TAFA2: variants seen among roughly 807,000 people sequenced by gnomAD.
TAFA2 encodes TAFA chemokine like family member 2, also known as chemokine-like protein TAFA-2.
Under a neutral mutation model 18.8 loss-of-function variants are expected in TAFA2, and 7 were observed. The observed-to-expected ratio is 0.37, with a 90% CI of 0.21 to 0.70. TAFA2 has a LOEUF of 0.70. TAFA2 is among the 30% of genes least tolerant of loss of function. The pLI is 0.53. For synonymous variants in TAFA2, 60 were observed against 54.2 expected (o/e 1.11, Z -0.47); for missense variants, 122 against 158.1 (o/e 0.77, Z 1.23).
At chr12:62,218,892 A>T (rs1192033492) in intron 1 of TAFA2, among the ~76,000 whole-genome samples, 1 of 152,170 alleles carries the variant, frequency 6.6e-6, no homozygotes, top group Non-Finnish European at 1.5e-5. Context: ...ACACATTTAC[A>T]TAGGAGATTC....
At chr12:61,821,935 T>A (rs994078745) in intron 2 of TAFA2, among the ~76,000 whole-genome samples, 7 of 152,078 alleles carry the variant, frequency 4.6e-5, no homozygotes, top group Non-Finnish European at 1.0e-4. Flanking sequence ...ACTGAAATAA[T>A]TAGCCCCACT....
intron 1 of TAFA2, among the ~76,000 whole-genome samples, chr12:62,047,373 C>A (rs1218735017): frequency 6.6e-6 from 1 of 151,942 alleles, no homozygotes; most frequent in African/African-American, 2.4e-5. Context: ...AACTTATGTC[C>A]CAGGATCATC....
At chr12:61,793,833 G>T (rs1191844422) in intron 2 of TAFA2, among the ~76,000 whole-genome samples, 1 of 151,760 alleles carries the variant, frequency 6.6e-6, no homozygotes, top group Non-Finnish European at 1.5e-5. Context: ...ATAGATGCAA[G>T]AAGTTTTATT....
chr12:61,796,013 T>C (rs955626024), intron 2 of TAFA2, among the ~76,000 whole-genome samples: 1 of 152,082 alleles, frequency 6.6e-6, no homozygotes, highest in Admixed American at 6.6e-5. Context: ...AAAGAAAAAC[T>C]AGAAGTCTCA....
At chr12:61,880,228 T>C (rs779745402) in intron 1 of TAFA2, 1 of 492,020 alleles carries the variant, frequency 2.0e-6, no homozygotes, top group Non-Finnish European at 3.9e-6. Flanking sequence ...ACCTGAGGTG[T>C]ACAAAGACTG....
chr12:62,178,042 G>A (rs917926035), intron 1 of TAFA2, among the ~76,000 whole-genome samples: 1 of 152,160 alleles, frequency 6.6e-6, no homozygotes, highest in Non-Finnish European at 1.5e-5. Flanking sequence ...GCTCACACCT[G>A]TAATCACAGC....
intron 4 of TAFA2, among the ~76,000 whole-genome samples, chr12:61,718,951 G>T (rs912783753): frequency 1.3e-5 from 2 of 152,112 alleles, no homozygotes; most frequent in Non-Finnish European, 2.9e-5. Flanking sequence ...ATTCCTTTTC[G>T]CAGCCTAGAG....
At chr12:61,842,521 C>T (rs1021472336) in intron 2 of TAFA2, among the ~76,000 whole-genome samples, 2 of 151,910 alleles carry the variant, frequency 1.3e-5, no homozygotes, top group Non-Finnish European at 2.9e-5. Context: ...TAAGTTTATT[C>T]AGGTTTGTGA....
intron 1 of TAFA2, among the ~76,000 whole-genome samples, chr12:61,966,697 C>T (rs1007194907): frequency 4.0e-5 from 6 of 151,850 alleles, no homozygotes; most frequent in African/African-American, 1.4e-4. Context: ...TGAAAAAGGG[C>T]TGAGCTCAGC....
At chr12:61,839,240 A>G (rs571321500) in intron 2 of TAFA2, among the ~76,000 whole-genome samples, 12 of 152,214 alleles carry the variant, frequency 7.9e-5, no homozygotes, top group Admixed American at 2.0e-4. Flanking sequence ...GTGGGCAGAC[A>G]AAGAAGGAAT....
At chr12:62,181,999 C>T (rs570520606) in intron 1 of TAFA2, among the ~76,000 whole-genome samples, 30 of 150,404 alleles carry the variant, frequency 2.0e-4, no homozygotes, top group South Asian at 8.5e-4. Context: ...ATCCCCCCCC[C>T]GCTACACATA....
intron 4 of TAFA2, among the ~76,000 whole-genome samples, chr12:61,726,823 C>T (rs539190232): frequency 4.3e-4 from 66 of 152,152 alleles, no homozygotes; most frequent in Non-Finnish European, 2.8e-4. Flanking sequence ...GGGAAGAATG[C>T]TTTCAACTCC....
intron 1 of TAFA2, among the ~76,000 whole-genome samples, chr12:61,989,618 G>T (rs1879932526): frequency 6.6e-6 from 1 of 152,162 alleles, no homozygotes; most frequent in African/African-American, 2.4e-5. Context: ...GCTTGTTTTA[G>T]AAGGTGCACA....
At chr12:62,147,328 A>C (rs1458451704) in intron 1 of TAFA2, among the ~76,000 whole-genome samples, 1 of 15,134 alleles carries the variant, frequency 6.6e-5, no homozygotes, top group African/African-American at 2.3e-4. Context: ...GTATGTATGT[A>C]TATATATATA....
chr12:62,044,589 T>C (rs1316269960), intron 1 of TAFA2, among the ~76,000 whole-genome samples: 1 of 152,134 alleles, frequency 6.6e-6, no homozygotes, highest in Non-Finnish European at 1.5e-5. Context: ...CAAGTGATTT[T>C]CAACTCAGGC....
chr12:62,086,446 A>T (rs890855596), intron 1 of TAFA2, among the ~76,000 whole-genome samples: 6 of 152,186 alleles, frequency 3.9e-5, no homozygotes, highest in African/African-American at 1.4e-4. Flanking sequence ...CTACAACTGA[A>T]TAACAACAAA....
chr12:61,722,327 C>T (rs1869944444), intron 4 of TAFA2, among the ~76,000 whole-genome samples: 1 of 152,126 alleles, frequency 6.6e-6, no homozygotes, highest in African/African-American at 2.4e-5. Context: ...TTTCTTATCA[C>T]TGCTAATCCT....
At chr12:61,955,930 A>C (rs1878681322) in intron 1 of TAFA2, among the ~76,000 whole-genome samples, 3 of 151,904 alleles carry the variant, frequency 2.0e-5, no homozygotes, top group Admixed American at 2.0e-4. Flanking sequence ...AGCGATTTTA[A>C]AACAAATATC....
chr12:61,966,626 A>G (rs375308915), intron 1 of TAFA2, among the ~76,000 whole-genome samples: 1 of 151,892 alleles, frequency 6.6e-6, no homozygotes, highest in African/African-American at 2.4e-5. Context: ...TAAAACATCC[A>G]TGTCATCAAG....
Sources: allele counts gnomAD v4.1 joint callset (sites outside exome capture counted in the v4.1 genomes callset), GRCh38; gene constraint gnomAD v4.1.1; transcripts MANE v1.5; gene names NCBI Gene and HGNC (gene_info 2026-07-23, HGNC 2026-07-21).